The following SCD5 variants were observed in gnomAD, a reference collection of about 807,000 sequenced individuals.
SCD5 encodes the protein acyl-CoA-desaturase 4.
Under a neutral mutation model 30.4 loss-of-function variants are expected in SCD5, and 20 were observed. That is an observed-to-expected ratio of 0.66 (90% confidence interval 0.46 to 0.96). The LOEUF (loss-of-function observed/expected upper bound fraction) is 0.96. SCD5 is among the 40% of genes least tolerant of loss of function. The pLI, the probability that SCD5 is intolerant of heterozygous loss-of-function variation, is 0.00. For missense variants in SCD5, 381 were observed against 443.3 expected (o/e 0.86, Z 1.26); for synonymous variants, 173 against 176.4 (o/e 0.98, Z 0.16).
chr4:82,717,370 C>T (rs1285111137), intron 1 of SCD5, among the ~76,000 whole-genome samples: 3 of 151,582 alleles, frequency 2.0e-5, no homozygotes, highest in Non-Finnish European at 4.4e-5. Context: ...AGGATAACTC[C>T]CATCACAACC....
In SCD5 at chr4:82,720,441, T is replaced by TACAAAAAAAAAAAAAAAA. The variant is rs778480466; in HGVS notation, c.233-15029_233-15028insTTTTTTTTTTTTTTTTGT. Reference sequence around the variant, plus strand: ...GATGCTGTCTCAAAAAAGGCAAAAATAAAAAAAAAAAAAAAAAAAAAAGAC... The same window carrying TACAAAAAAAAAAAAAAAA: ...GATGCTGTCTCAAAAAAGGCAAAAATACAAAAAAAAAAAAAAAAAAAAAAAAAAAAAAAAAAAAAAGAC... On this transcript the variant is annotated intron_variant, in intron 1 of 4. Transcript: ENST00000319540. Among the ~76,000 whole-genome samples, 716 of 77,496 alleles carry TACAAAAAAAAAAAAAAAA rather than the reference T, an allele frequency of 9.2e-3. 15 individuals are homozygous for TACAAAAAAAAAAAAAAAA. Among genetic ancestry groups the TACAAAAAAAAAAAAAAAA allele is most frequent in the Non-Finnish European group, 0.012 (486 of 42,110 alleles). The allele number at this position is 77,496 out of a possible 152,430, so 50.8% of individuals were successfully genotyped here. A position where few individuals can be genotyped will look rare whatever the true frequency, so the allele number is the denominator to read the frequency against.
chr4:82,796,785 G>C (rs779607511), intron 1 of SCD5, among the ~76,000 whole-genome samples: 6 of 152,186 alleles, frequency 3.9e-5, no homozygotes, highest in Non-Finnish European at 5.9e-5. Context: ...TGGGCAATAA[G>C]GGCTTTGGTT....
At chr4:82,721,853 T>C (rs1720376160) in intron 1 of SCD5, among the ~76,000 whole-genome samples, 1 of 152,200 alleles carries the variant, frequency 6.6e-6, no homozygotes, top group African/African-American at 2.4e-5. Context: ...GATGAAAGGA[T>C]TTGGGAGAAG....
intron 3 of SCD5, among the ~76,000 whole-genome samples, chr4:82,648,023 T>A (rs1727666895): frequency 6.6e-6 from 1 of 152,268 alleles, no homozygotes; most frequent in Non-Finnish European, 1.5e-5. Context: ...AAAGCTTATG[T>A]GCTATTATTT....
chr4:82,761,898 C>A (rs905681749), intron 1 of SCD5, among the ~76,000 whole-genome samples: 1 of 151,898 alleles, frequency 6.6e-6, no homozygotes, highest in African/African-American at 2.4e-5. Context: ...CATGGCCGGG[C>A]GTAGTGGCTC....
At chr4:82,699,073 C>T (rs1017184489) in intron 2 of SCD5, among the ~76,000 whole-genome samples, 1 of 152,098 alleles carries the variant, frequency 6.6e-6, no homozygotes, top group African/African-American at 2.4e-5. Flanking sequence ...CCGCAACCCC[C>T]GGGCCACGGA....
chr4:82,741,546 A>G lies in SCD5; in HGVS notation c.233-36133T>C, dbSNP rs190550073. Reference sequence around the variant, plus strand: ...CCAGCAGAGGAACTGACCAGCCAGCAAAGAATCATGAGAAATAGTCTATCG... The same window carrying G: ...CCAGCAGAGGAACTGACCAGCCAGCGAAGAATCATGAGAAATAGTCTATCG... On this transcript the variant is annotated intron_variant, in intron 1 of 4. Coordinates refer to ENST00000319540, the MANE Select transcript of SCD5 (RefSeq NM_001037582.3). 4.6e-5 allele frequency among the ~76,000 whole-genome samples: 7 copies of G among 152,326 alleles called. No homozygotes were observed. The East Asian group carries it at 1.4e-3, about 29-fold the overall frequency.
chr4:82,640,911 T>C (rs1335831586), intron 3 of SCD5, among the ~76,000 whole-genome samples: 1 of 152,144 alleles, frequency 6.6e-6, no homozygotes. Flanking sequence ...GATGCTGCCC[T>C]GTCTTTTTGC....
intron 1 of SCD5, among the ~76,000 whole-genome samples, chr4:82,734,677 T>C (rs922408699): frequency 6.6e-6 from 1 of 152,102 alleles, no homozygotes; most frequent in African/African-American, 2.4e-5. Flanking sequence ...CATCCTGCCA[T>C]GTAACAAATT....
chr4:82,768,130 T>C (rs1483391124), intron 1 of SCD5, among the ~76,000 whole-genome samples: 1 of 152,234 alleles, frequency 6.6e-6, no homozygotes, highest in East Asian at 1.9e-4. Context: ...ATACTCATTC[T>C]AAGTACTCCA....
At chr4:82,683,192 T>C (rs914358201) in intron 2 of SCD5, among the ~76,000 whole-genome samples, 2 of 152,206 alleles carry the variant, frequency 1.3e-5, no homozygotes, top group East Asian at 3.8e-4. Context: ...TACTGTAATA[T>C]GAAAGAGGTC....
chr4:82,736,083 C>T (rs1440663184), intron 1 of SCD5, among the ~76,000 whole-genome samples: 2 of 152,102 alleles, frequency 1.3e-5, no homozygotes, highest in Admixed American at 6.6e-5. Context: ...CCCAGGAGTT[C>T]GAGACCAGCC....
intron 1 of SCD5, among the ~76,000 whole-genome samples, chr4:82,795,043 A>T (rs1179810210): frequency 2.6e-5 from 4 of 152,278 alleles, no homozygotes; most frequent in Non-Finnish European, 4.4e-5. Flanking sequence ...CATAAAACGA[A>T]AAGGATAAAA....
intron 1 of SCD5, among the ~76,000 whole-genome samples, chr4:82,770,179 C>CTT (rs1560558589): frequency 9.3e-6 from 1 of 107,470 alleles, no homozygotes; most frequent in Non-Finnish European, 1.9e-5. Context: ...TGCTATCCTG[C>CTT]CCCCCTCCCC....
chr4:82,635,725 T>TA (rs763447521), intron 4 of SCD5, among the ~76,000 whole-genome samples: 2 of 150,084 alleles, frequency 1.3e-5, no homozygotes, highest in African/African-American at 2.5e-5. Flanking sequence ...CAGGAGGAGG[T>TA]AAGTGCTAGT....
At chr4:82,717,292 G>T (rs576715443) in intron 1 of SCD5, among the ~76,000 whole-genome samples, 6 of 151,746 alleles carry the variant, frequency 4.0e-5, no homozygotes, top group Non-Finnish European at 8.8e-5. Flanking sequence ...TTTGAACCGG[G>T]TCCTCAGACT....
At chr4:82,706,570 C>T (rs543311586) in intron 1 of SCD5, among the ~76,000 whole-genome samples, 12 of 152,394 alleles carry the variant, frequency 7.9e-5, no homozygotes, top group African/African-American at 2.4e-4. Flanking sequence ...GCCTAGTATA[C>T]TGCCCTGTCT....
intron 1 of SCD5, among the ~76,000 whole-genome samples, chr4:82,789,918 T>G (rs2148854000): frequency 6.6e-6 from 1 of 152,138 alleles, no homozygotes; most frequent in South Asian, 2.1e-4. Context: ...TTGGTCTGAG[T>G]TTGTGATAGC....
chr4:82,741,938 A>G (rs895838452), intron 1 of SCD5, among the ~76,000 whole-genome samples: 2 of 151,732 alleles, frequency 1.3e-5, no homozygotes, highest in African/African-American at 4.8e-5. Flanking sequence ...AAATCCCCCA[A>G]AGAAAGATGG....
Sources: allele counts gnomAD v4.1 joint callset (sites outside exome capture counted in the v4.1 genomes callset), GRCh38; gene constraint gnomAD v4.1.1; transcripts MANE v1.5; gene names NCBI Gene and HGNC (gene_info 2026-07-23, HGNC 2026-07-21).